NR5A2: variants seen among roughly 807,000 people sequenced by gnomAD.
NR5A2 encodes the protein CYP7A promoter-binding factor.
A neutral mutation model predicts 62.7 loss-of-function variants in NR5A2; 26 were observed. The ratio of observed to expected loss-of-function variants is 0.41; its 90% confidence interval spans 0.30 to 0.58. The LOEUF (loss-of-function observed/expected upper bound fraction) is 0.58. Ranked by LOEUF, NR5A2 falls within the 20% of genes least tolerant of loss-of-function variation. The pLI is 0.22. For missense variants in NR5A2, 541 were observed against 669.1 expected (o/e 0.81, Z 2.11); for synonymous variants, 246 against 241.7 (o/e 1.02, Z -0.16).
intron 7 of NR5A2, among the ~76,000 whole-genome samples, chr1:200,137,385 C>T (rs866413233): frequency 2.6e-4 from 38 of 147,008 alleles, no homozygotes; most frequent in African/African-American, 7.6e-4. Flanking sequence ...AAGCTGGTTT[C>T]GAACTCCTGA....
chr1:200,060,566 C>G (rs923362145), intron 5 of NR5A2, among the ~76,000 whole-genome samples: 8 of 152,106 alleles, frequency 5.3e-5, no homozygotes, highest in Non-Finnish European at 1.0e-4. Context: ...AATGCAAAAG[C>G]AATTTGAAAA....
At chr1:200,085,937 T>G (rs938631901) in intron 5 of NR5A2, among the ~76,000 whole-genome samples, 2 of 152,192 alleles carry the variant, frequency 1.3e-5, no homozygotes, top group Non-Finnish European at 2.9e-5. Context: ...TATAGGATGC[T>G]AGGAGACAAT....
chr1:200,145,025 G>C (rs1383796388), intron 7 of NR5A2, among the ~76,000 whole-genome samples: 6 of 152,068 alleles, frequency 3.9e-5, no homozygotes, highest in Non-Finnish European at 8.8e-5. Context: ...AAAATATTCA[G>C]AACTGGGCGG....
chr1:200,122,514 C>CTTT (rs1159329214), intron 7 of NR5A2, among the ~76,000 whole-genome samples: 2 of 152,142 alleles, frequency 1.3e-5, no homozygotes, highest in Non-Finnish European at 1.5e-5. Context: ...TAGTTTTCAG[C>CTTT]ACTTTTAACT....
chr1:200,048,661 T>C lies in NR5A2; in HGVS notation c.953T>C (p.Val318Ala), dbSNP rs1662491921. Reference protein sequence around the residue: ...LLKCEPDEPQVQAKIMAYLQQ... With the variant: ...LLKCEPDEPQAQAKIMAYLQQ... The stretch of plus-strand genomic sequence containing the variant: ...AAGTGTGAGCCAGATGAGCCTCAAG[T>C]CCAGGCTAAAATCATGGCCTATTTG... Residue 318 changes from valine to alanine, a missense_variant, in exon 5 of 8, where the codon GTC becomes GCC. Physicochemically the swap from Val to Ala is moderately conservative, Grantham distance 64. Coordinates refer to ENST00000367362, the MANE Select transcript of NR5A2 (RefSeq NM_205860.3). The surrounding 1 kb of genome is among the most constrained non-coding windows in gnomAD (Gnocchi z 4.8). 1 of 1,614,120 alleles carries C rather than the reference T, an allele frequency of 6.2e-7. No homozygotes were observed. The highest frequency in any genetic ancestry group is 8.5e-7 in the Non-Finnish European group (1 of 1,180,014).
At position 200,131,594 on chromosome 1, in the gene NR5A2, G is replaced by T. The variant is rs971051381; in HGVS notation, c.1378+10639G>T. 3.9e-5 allele frequency among the ~76,000 whole-genome samples: 6 copies of T among 152,288 alleles called. No individual in the cohort carries two copies. The East Asian group carries it at 7.7e-4, about 20-fold the overall frequency. On this transcript the variant is annotated intron_variant, in intron 7 of 7. Coordinates refer to ENST00000367362, the MANE Select transcript of NR5A2 (RefSeq NM_205860.3). ...CATGTGCTCTTGGTTGATGTTTCTC[G>T]CTGCTTTAGCTGTGTCAACCACTCT...
At chr1:200,047,721 C>T (rs1299638684) in intron 4 of NR5A2, among the ~76,000 whole-genome samples, 1 of 152,026 alleles carries the variant, frequency 6.6e-6, no homozygotes, top group Non-Finnish European at 1.5e-5. Flanking sequence ...GGATTACAGG[C>T]ACCCACCACT....
At chr1:200,093,200 G>A (rs1174207596) in intron 5 of NR5A2, among the ~76,000 whole-genome samples, 4 of 152,060 alleles carry the variant, frequency 2.6e-5, no homozygotes, top group East Asian at 3.9e-4. Context: ...CACCACACCC[G>A]GCCAACATAG....
rs1654352668 is a variant in NR5A2, at chr1:200,174,952, TGTAA to T, written c.*745_*748del. On this transcript the variant is annotated 3_prime_UTR_variant, in exon 8 of 8. Transcript: ENST00000367362. The stretch of plus-strand genomic sequence containing the variant: ...AATGCAGGCAGTATCCCTCATCTTA[TGTAA>T]GTGTTAATTAATATTAAGGGAAATG... 1.3e-5 allele frequency: 2 copies of T among 152,658 alleles called. No homozygotes were observed. The allele number at this position is 152,658 out of a possible 1,614,324, so 9.5% of individuals were successfully genotyped here.
intron 7 of NR5A2, among the ~76,000 whole-genome samples, chr1:200,140,167 T>A (rs1667385126): frequency 6.6e-6 from 1 of 152,216 alleles, no homozygotes; most frequent in Non-Finnish European, 1.5e-5. Context: ...TTTCTTTATA[T>A]CATTATTGAT....
chr1:200,154,938 G>A (rs1306266062), intron 7 of NR5A2, among the ~76,000 whole-genome samples: 5 of 152,136 alleles, frequency 3.3e-5, no homozygotes, highest in South Asian at 2.1e-4. Flanking sequence ...AGGTTTCTAC[G>A]CATTCCAGCC....
At position 200,048,908 on chromosome 1, in the gene NR5A2, T is replaced by G. The variant is rs1571713646; in HGVS notation, c.1110+90T>G. On this transcript the variant is annotated intron_variant, in intron 5 of 7. Transcript: ENST00000367362. This position sits in a 1 kb window ranked among gnomAD's most constrained non-coding sequence, Gnocchi z 4.8. ...TAATACATTCTTGGTGCTGAAAATA[T>G]GTGTTCCTTAATTTTCTACTTTGTA... The G allele has an allele frequency of 6.9e-7, 1 of 1,445,408 alleles. No homozygotes were observed. The highest frequency in any genetic ancestry group is 9.4e-7 in the Non-Finnish European group (1 of 1,058,800). The allele number at this position is 1,445,408 out of a possible 1,614,324, so 89.5% of individuals were successfully genotyped here.
chr1:200,082,850 T>A (rs1664356647), intron 5 of NR5A2, among the ~76,000 whole-genome samples: 1 of 152,164 alleles, frequency 6.6e-6, no homozygotes, highest in Admixed American at 6.5e-5. Flanking sequence ...TACATATTTA[T>A]TAGTGTTTTT....
intron 1 of NR5A2, among the ~76,000 whole-genome samples, chr1:200,032,622 A>G (rs1029602275): frequency 3.3e-5 from 5 of 152,204 alleles, no homozygotes; most frequent in Non-Finnish European, 7.3e-5. Context: ...TCCTTACAGA[A>G]TGATGAGTTT....
intron 7 of NR5A2, among the ~76,000 whole-genome samples, chr1:200,139,941 T>G (rs1304972244): frequency 6.6e-6 from 1 of 152,244 alleles, no homozygotes; most frequent in African/African-American, 2.4e-5. Flanking sequence ...GTGCTAAATA[T>G]TTTGTCATCT....
chr1:200,059,329 G>A (rs1181547151), intron 5 of NR5A2, among the ~76,000 whole-genome samples: 2 of 152,126 alleles, frequency 1.3e-5, no homozygotes, highest in African/African-American at 2.4e-5. Context: ...TACCTGGGTA[G>A]GCTTACCTTA....
intron 7 of NR5A2, among the ~76,000 whole-genome samples, chr1:200,161,509 C>T (rs570628286): frequency 1.5e-4 from 23 of 152,222 alleles, no homozygotes; most frequent in South Asian, 4.2e-4. Context: ...GTTCTATGCC[C>T]GTGATGTGGT....
At chr1:200,103,646 T>C (rs1344331879) in intron 5 of NR5A2, among the ~76,000 whole-genome samples, 4 of 152,222 alleles carry the variant, frequency 2.6e-5, no homozygotes, top group Non-Finnish European at 4.4e-5. Context: ...AATATTTACA[T>C]GTCACAGCAG....
intron 7 of NR5A2, among the ~76,000 whole-genome samples, chr1:200,143,393 A>G (rs1487762664): frequency 1.3e-5 from 2 of 151,314 alleles, no homozygotes; most frequent in Middle Eastern, 3.2e-3. Flanking sequence ...TACCAAATCT[A>G]TAGCTTGGGC....
Sources: allele counts gnomAD v4.1 joint callset (sites outside exome capture counted in the v4.1 genomes callset), GRCh38; gene constraint gnomAD v4.1.1; non-coding constraint Gnocchi (gnomAD v3.1); transcripts MANE v1.5; gene names NCBI Gene and HGNC (gene_info 2026-07-23, HGNC 2026-07-21).